Variants in VOPP1 observed in about 807,000 individuals in gnomAD.
The protein encoded by VOPP1 is VOPP1 WW domain binding protein, also known as WW domain binding protein VOPP1.
Under a neutral mutation model 23.5 loss-of-function variants are expected in VOPP1, and 8 were observed. The ratio of observed to expected loss-of-function variants is 0.34; its 90% CI spans 0.20 to 0.61. VOPP1 has a LOEUF of 0.61. Among genes scored for constraint, VOPP1 ranks in the 20% least tolerant of loss-of-function variants. The pLI, the probability that VOPP1 is intolerant of heterozygous loss-of-function variation, is 0.78. For synonymous variants in VOPP1, 83 were observed against 97.3 expected, an observed-to-expected ratio of 0.85 and a Z score of 0.86; for missense variants, 174 against 238.1, an observed-to-expected ratio of 0.73 and a Z score of 1.77.
chr7:55,494,278 C>T (rs900003461), intron 3 of VOPP1, among the ~76,000 whole-genome samples: 1 of 152,162 alleles, frequency 6.6e-6, no homozygotes, highest in African/African-American at 2.4e-5. Context: ...AGCACTGAGT[C>T]CTGCTGTTAG....
Position 55,536,280 on chromosome 7 carries a change from G to A in VOPP1, c.55-15150C>T, listed in dbSNP as rs537458696. ...GTGGTGGCTCACGCCTGTAATCCCA[G>A]CACTTCGGGAGGCCAAGGCAGGCAG... is the stretch of plus-strand genomic sequence containing the variant. On this transcript the variant is annotated intron_variant, in intron 1 of 4. Coordinates refer to ENST00000285279, the MANE Select transcript of VOPP1 (RefSeq NM_030796.5). 2.3e-4 allele frequency among the ~76,000 whole-genome samples: 35 copies of A among 152,330 alleles called. 1 individual carries two copies. The highest frequency in any genetic ancestry group is 7.9e-4 in the African/African-American group (33 of 41,566).
At chr7:55,488,940 G>A (rs943253906) in intron 4 of VOPP1, among the ~76,000 whole-genome samples, 1 of 152,168 alleles carries the variant, frequency 6.6e-6, no homozygotes, top group African/African-American at 2.4e-5. Context: ...CTCTCTCCCT[G>A]GACTGCCAAA....
At chr7:55,512,718 T>C (rs147605177) in intron 2 of VOPP1, among the ~76,000 whole-genome samples, 1,676 of 152,310 alleles carry the variant, frequency 0.011, 11 homozygotes, top group Middle Eastern at 0.02. Flanking sequence ...CCCGCCCCCA[T>C]TGCCCTCTTC....
chr7:55,512,279 A>G (rs1358006017), intron 2 of VOPP1, among the ~76,000 whole-genome samples: 1 of 152,080 alleles, frequency 6.6e-6, no homozygotes, highest in African/African-American at 2.4e-5. Flanking sequence ...TACAAAAATT[A>G]GCTAGGTGTC....
chr7:55,519,153 A>G (rs1158527504), intron 2 of VOPP1, among the ~76,000 whole-genome samples: 1 of 152,208 alleles, frequency 6.6e-6, no homozygotes, highest in African/African-American at 2.4e-5. Context: ...TCGTGTTCTC[A>G]TGGTGACTTC....
At chr7:55,529,861 T>C (rs1796400281) in intron 1 of VOPP1, among the ~76,000 whole-genome samples, 1 of 152,242 alleles carries the variant, frequency 6.6e-6, no homozygotes, top group Admixed American at 6.5e-5. Flanking sequence ...TACGTCTGGA[T>C]TGTATGTTGC....
intron 1 of VOPP1, among the ~76,000 whole-genome samples, chr7:55,538,199 A>G (rs190381009): frequency 1.0e-3 from 158 of 152,320 alleles, no homozygotes; most frequent in African/African-American, 3.5e-3. Context: ...TTGCAAAGTC[A>G]GTCTATTTTG....
intron 1 of VOPP1, among the ~76,000 whole-genome samples, chr7:55,561,518 A>G (rs564820893): frequency 2.0e-5 from 3 of 151,926 alleles, no homozygotes; most frequent in Admixed American, 1.3e-4. Flanking sequence ...AGACCAGCCT[A>G]GCCAATATGG....
At chr7:55,525,035 G>T (rs76283556) in intron 1 of VOPP1, among the ~76,000 whole-genome samples, 1,667 of 152,172 alleles carry the variant, frequency 0.011, 11 homozygotes, top group Middle Eastern at 0.02. Context: ...GCAGAAAGAA[G>T]GCCCCGTGCT....
chr7:55,443,013 G>C (rs1173521678), intron 4 of VOPP1, among the ~76,000 whole-genome samples: 1 of 151,986 alleles, frequency 6.6e-6, no homozygotes, highest in Non-Finnish European at 1.5e-5. Context: ...CAGCTACTCA[G>C]GAGGCTGAGG....
rs180777398 is a variant in VOPP1, at chr7:55,436,773, G to A, written n.418-599C>T. Among the ~76,000 whole-genome samples the A allele has an allele frequency of 2.7e-3, 405 of 152,290 alleles. 2 individuals carry two copies. Among genetic ancestry groups the A allele is most frequent in the Non-Finnish European group, 4.9e-3 (334 of 68,020 alleles). ...GAAAAGATGCTGCAGGAGCAAAGAT[G>A]TCCTAAACCACAGTTTCAGGCTTAT... is the stretch of plus-strand genomic sequence containing the variant. On this transcript the variant is annotated intron_variant and non_coding_transcript_variant, in intron 4 of 4. Coordinates refer to the VOPP1 transcript ENST00000462326.
chr7:55,443,889 C>T (rs1168752570), intron 4 of VOPP1, among the ~76,000 whole-genome samples: 2 of 152,096 alleles, frequency 1.3e-5, no homozygotes, highest in African/African-American at 2.4e-5. Context: ...GTGATCTGCC[C>T]GCCTCAGCCT....
At chr7:55,463,394 T>TGTCTC (rs1791554458) in intron 4 of VOPP1, among the ~76,000 whole-genome samples, 1 of 152,254 alleles carries the variant, frequency 6.6e-6, no homozygotes, top group Non-Finnish European at 1.5e-5. Flanking sequence ...CTGGTGTAAC[T>TGTCTC]GTCTCTTCTT....
intron 2 of VOPP1, among the ~76,000 whole-genome samples, chr7:55,515,053 C>T (rs180784359): frequency 1.3e-4 from 20 of 152,294 alleles, no homozygotes; most frequent in East Asian, 7.7e-4. Context: ...CATACAGGCA[C>T]GCCCTGTCAC....
chr7:55,459,186 G>A (rs1233686871), intron 4 of VOPP1, among the ~76,000 whole-genome samples: 3 of 151,912 alleles, frequency 2.0e-5, no homozygotes, highest in African/African-American at 7.3e-5. Context: ...TTATTGATTT[G>A]CATGTGTTAA....
At chr7:55,449,733 G>A (rs1217474558) in intron 4 of VOPP1, among the ~76,000 whole-genome samples, 1 of 152,114 alleles carries the variant, frequency 6.6e-6, no homozygotes, top group Non-Finnish European at 1.5e-5. Context: ...AGAGCAGCGA[G>A]CAGCCTGGCC....
chr7:55,508,854 G>A (rs1794894860), intron 2 of VOPP1, among the ~76,000 whole-genome samples: 1 of 152,056 alleles, frequency 6.6e-6, no homozygotes, highest in East Asian at 1.9e-4. Context: ...CTGCCTATGA[G>A]TTCATAGTGA....
chr7:55,510,338 T>C (rs1794991252), intron 2 of VOPP1, among the ~76,000 whole-genome samples: 1 of 152,244 alleles, frequency 6.6e-6, no homozygotes, highest in Non-Finnish European at 1.5e-5. Context: ...ATTACCCTTA[T>C]CTTGTCTCCT....
chr7:55,475,231 G>T (rs1792148768), intron 4 of VOPP1, among the ~76,000 whole-genome samples: 1 of 152,222 alleles, frequency 6.6e-6, no homozygotes, highest in Non-Finnish European at 1.5e-5. Context: ...GAGGGTAATG[G>T]CCTCTGGTAA....
Sources: allele counts gnomAD v4.1 joint callset (sites outside exome capture counted in the v4.1 genomes callset), GRCh38; gene constraint gnomAD v4.1.1; transcripts MANE v1.5; gene names NCBI Gene and HGNC (gene_info 2026-07-23, HGNC 2026-07-21).